SCN10A: variants seen among roughly 807,000 people sequenced by gnomAD.
SCN10A encodes sodium voltage-gated channel alpha subunit 10.
In SCN10A, 162 loss-of-function variants were observed where a neutral mutation model predicts 170.7. The ratio of observed to expected loss-of-function variants is 0.95; its 90% CI spans 0.84 to 1.08. The LOEUF is 1.08. SCN10A is among the 50% of genes least tolerant of loss of function. SCN10A has a pLI of 0.00. For synonymous variants in SCN10A, 985 were observed against 904.6 expected (o/e 1.09, Z -1.59); for missense variants, 2,527 against 2,436.9 (o/e 1.04, Z -0.78).
At position 38,766,454 on chromosome 3, in the gene SCN10A, G is replaced by A. The variant is rs112167921; in HGVS notation, c.600-2858C>T. Among the ~76,000 whole-genome samples, 1,151 of 152,078 alleles carry A rather than the reference G, an allele frequency of 7.6e-3. 14 individuals are homozygous for A. Among genetic ancestry groups the A allele is most frequent in the African/African-American group, 0.024 (1,009 of 41,494 alleles). On this transcript the variant is annotated intron_variant, in intron 5 of 27. Coordinates refer to ENST00000449082, the MANE Select transcript of SCN10A (RefSeq NM_006514.4). The stretch of plus-strand genomic sequence containing the variant: ...GGGTTTTAATCATAATGGGATGCTG[G>A]ATTTTGTCAAATGCTTTTCCTGCAC...
chr3:38,755,680 C>G (rs1433746044), intron 11 of SCN10A, 108 bp downstream of exon 11: 7 of 1,320,890 alleles, frequency 5.3e-6, no homozygotes, highest in Middle Eastern at 2.7e-4. Context: ...CTTTTAGGCT[C>G]TATGCCTCCA....
intron 1 of SCN10A, among the ~76,000 whole-genome samples, chr3:38,811,273 T>G (rs190299462): frequency 6.6e-6 from 1 of 152,094 alleles, no homozygotes; most frequent in Non-Finnish European, 1.5e-5. Context: ...GCCAACATGA[T>G]GAAACCCCAT....
Position 38,719,367 on chromosome 3 carries a change from C to CTT in SCN10A, c.3508-543_3508-542dup, listed in dbSNP as rs555646896. Among the ~76,000 whole-genome samples the CTT allele has an allele frequency of 1.1e-3, 76 of 69,104 alleles. 2 individuals are homozygous for CTT. The highest frequency in any genetic ancestry group is 0.01 in the Middle Eastern group (1 of 98). 45.3% of individuals were successfully genotyped at this position (69,104 alleles called of 152,430 possible). On this transcript the variant is annotated intron_variant, in intron 20 of 27. Coordinates refer to ENST00000449082, the MANE Select transcript of SCN10A (RefSeq NM_006514.4). The stretch of plus-strand genomic sequence containing the variant: ...GCTGTGGCTGTGGGGGGCTGCCACT[C>CTT]TTTTTTTTTTTTTTTTTTTTTTTTT...
At chr3:38,744,744 T>C (rs2063669575) in intron 13 of SCN10A, among the ~76,000 whole-genome samples, 1 of 152,260 alleles carries the variant, frequency 6.6e-6, no homozygotes, top group Non-Finnish European at 1.5e-5. Context: ...TCTCTGATTA[T>C]TTATATCAAC....
chr3:38,815,621 T>G (rs1238830377), intron 1 of SCN10A, among the ~76,000 whole-genome samples: 1 of 152,238 alleles, frequency 6.6e-6, no homozygotes, highest in African/African-American at 2.4e-5. Context: ...TGCCCCTTTT[T>G]GTTTAGTTTT....
chr3:38,790,450 G>C (rs1204189744), intron 3 of SCN10A, among the ~76,000 whole-genome samples: 3 of 151,792 alleles, frequency 2.0e-5, no homozygotes, highest in Non-Finnish European at 2.9e-5. Context: ...ATATTCACTG[G>C]TCACTTGGTT....
chr3:38,747,629 C>T (rs189463163), intron 13 of SCN10A, among the ~76,000 whole-genome samples: 30 of 152,272 alleles, frequency 2.0e-4, no homozygotes, highest in African/African-American at 6.7e-4. Flanking sequence ...CCCAGGCAGC[C>T]GGGTTCCAGA....
intron 14 of SCN10A, 72 bp from the exon 15 acceptor site, chr3:38,739,760 G>A: frequency 8.3e-7 from 1 of 1,211,104 alleles, no homozygotes; most frequent in Non-Finnish European, 1.2e-6. Context: ...ATGGCAGCAA[G>A]AAAATGTCTT....
intron 15 of SCN10A, among the ~76,000 whole-genome samples, chr3:38,731,193 A>G (rs1017152038): frequency 1.3e-5 from 2 of 152,238 alleles, no homozygotes; most frequent in African/African-American, 2.4e-5. Context: ...TTGGAATACT[A>G]TCTTCACTGA....
chr3:38,746,561 T>C (rs558857800), intron 13 of SCN10A, among the ~76,000 whole-genome samples: 1 of 152,250 alleles, frequency 6.6e-6, no homozygotes, highest in African/African-American at 2.4e-5. Flanking sequence ...ACCTCACTCC[T>C]CTTAGCATGA....
intron 5 of SCN10A, among the ~76,000 whole-genome samples, chr3:38,767,585 G>A (rs924549739): frequency 5.3e-5 from 8 of 151,850 alleles, no homozygotes; most frequent in Non-Finnish European, 1.0e-4. Flanking sequence ...AGGTTTATTC[G>A]ACTGTGCTCT....
chr3:38,809,482 A>C (rs1488065661), intron 1 of SCN10A, among the ~76,000 whole-genome samples: 1 of 152,182 alleles, frequency 6.6e-6, no homozygotes, highest in Non-Finnish European at 1.5e-5. Context: ...CATTCTGTTG[A>C]ATATTTTAAA....
intron 20 of SCN10A, among the ~76,000 whole-genome samples, chr3:38,720,158 C>T (rs571277896): frequency 2.0e-5 from 3 of 152,340 alleles, no homozygotes; most frequent in African/African-American, 4.8e-5. Context: ...GATTCTGTGT[C>T]TAGGACGAGG....
At chr3:38,815,253 G>A (rs2064467201) in intron 1 of SCN10A, among the ~76,000 whole-genome samples, 1 of 151,286 alleles carries the variant, frequency 6.6e-6, no homozygotes, top group South Asian at 2.1e-4. Context: ...TACACTGAAG[G>A]CTGAATAATA....
At chr3:38,769,565 G>A (rs1164001978) in intron 5 of SCN10A, among the ~76,000 whole-genome samples, 1 of 152,122 alleles carries the variant, frequency 6.6e-6, no homozygotes, top group Admixed American at 6.6e-5. Context: ...TGGCAATTCA[G>A]AGATTTCTTC....
At chr3:38,767,744 C>A (rs1352675558) in intron 5 of SCN10A, among the ~76,000 whole-genome samples, 3 of 151,996 alleles carry the variant, frequency 2.0e-5, no homozygotes, top group Non-Finnish European at 4.4e-5. Context: ...TTTTAAATAT[C>A]TGTTAAGTCC....
At chr3:38,749,426 C>T (rs150404802) in intron 13 of SCN10A, among the ~76,000 whole-genome samples, 2 of 152,210 alleles carry the variant, frequency 1.3e-5, no homozygotes, top group African/African-American at 4.8e-5. Flanking sequence ...TGCAATCACG[C>T]TCTATGGCAA....
At chr3:38,703,899 C>T (rs2063183109) in intron 26 of SCN10A, among the ~76,000 whole-genome samples, 1 of 152,206 alleles carries the variant, frequency 6.6e-6, no homozygotes, top group Non-Finnish European at 1.5e-5. Context: ...ACCCTGGTGT[C>T]TGCATAGTGC....
chr3:38,790,979 A>C (rs761559688), intron 3 of SCN10A, among the ~76,000 whole-genome samples: 1 of 152,210 alleles, frequency 6.6e-6, no homozygotes, highest in Admixed American at 6.5e-5. Context: ...ACGTAATGCA[A>C]CTTCATCAAG....
Sources: gnomAD v4.1 joint callset for allele counts (sites outside exome capture counted in the v4.1 genomes callset) on GRCh38, gnomAD v4.1.1 for gene constraint, MANE v1.5 for transcripts, NCBI Gene and HGNC (gene_info 2026-07-23, HGNC 2026-07-21) for gene names.